Variants in SDK1 observed in about 807,000 individuals in gnomAD.
SDK1 encodes sidekick cell adhesion molecule 1, also known as protein sidekick-1.
A neutral mutation model predicts 245.5 loss-of-function variants in SDK1; 157 were observed. The observed-to-expected ratio is 0.64, with a 90% CI of 0.56 to 0.73. SDK1 has a LOEUF of 0.73. SDK1 is among the 30% of genes least tolerant of loss of function. The pLI is 0.00. For missense variants in SDK1, 3,583 were observed against 3,002.3 expected, an observed-to-expected ratio of 1.19 and a Z score of -4.52; for synonymous variants, 1,647 against 1,278.5, an observed-to-expected ratio of 1.29 and a Z score of -6.15.
At chr7:3,308,375 T>A (rs912962287) in intron 1 of SDK1, among the ~76,000 whole-genome samples, 1 of 152,138 alleles carries the variant, frequency 6.6e-6, no homozygotes, top group African/African-American at 2.4e-5. Flanking sequence ...GTGCTTAACA[T>A]AATGTTATGT....
intron 5 of SDK1, among the ~76,000 whole-genome samples, chr7:3,894,523 C>T (rs1781546598): frequency 1.3e-5 from 2 of 149,456 alleles, no homozygotes; most frequent in South Asian, 4.3e-4. Context: ...CAGCTGGGTC[C>T]AGCCACTGAA....
At chr7:3,416,464 T>G (rs1779368294) in intron 1 of SDK1, among the ~76,000 whole-genome samples, 1 of 40,780 alleles carries the variant, frequency 2.5e-5, no homozygotes, top group Non-Finnish European at 4.8e-5. Flanking sequence ...GCTTTCGTTC[T>G]TTTTTTTTTT....
chr7:3,675,917 G>A (rs1021918840), intron 4 of SDK1, among the ~76,000 whole-genome samples: 8 of 152,070 alleles, frequency 5.3e-5, no homozygotes, highest in Admixed American at 6.6e-5. Flanking sequence ...CCTTTTATAC[G>A]TTCCTTATAT....
At chr7:4,253,607 G>T (rs902950716) in intron 44 of SDK1, among the ~76,000 whole-genome samples, 13 of 152,130 alleles carry the variant, frequency 8.5e-5, no homozygotes, top group African/African-American at 2.9e-4. Context: ...GTGTTATTCT[G>T]CTGTTTTGGG....
intron 1 of SDK1, among the ~76,000 whole-genome samples, chr7:3,407,022 G>T (rs555103852): frequency 6.6e-6 from 1 of 152,260 alleles, no homozygotes; most frequent in East Asian, 1.9e-4. Context: ...ATGGGATCAA[G>T]AATGCTAGAG....
chr7:3,753,725 G>C (rs1779840811), intron 4 of SDK1, among the ~76,000 whole-genome samples: 1 of 152,180 alleles, frequency 6.6e-6, no homozygotes, highest in East Asian at 1.9e-4. Flanking sequence ...AATGCATGAA[G>C]TGACAGGCCT....
At chr7:3,991,024 G>T (rs532901807) in intron 14 of SDK1, among the ~76,000 whole-genome samples, 2 of 152,356 alleles carry the variant, frequency 1.3e-5, no homozygotes, top group South Asian at 4.1e-4. Flanking sequence ...GAGCTGACGT[G>T]ATCAGTGTCC....
intron 1 of SDK1, among the ~76,000 whole-genome samples, chr7:3,609,741 C>T (rs532325158): frequency 7.5e-6 from 1 of 133,568 alleles, no homozygotes; most frequent in East Asian, 2.7e-4. Context: ...CACTCCCTTA[C>T]CCAGGCTAGA....
intron 5 of SDK1, among the ~76,000 whole-genome samples, chr7:3,924,543 G>A (rs1779703708): frequency 6.6e-6 from 1 of 152,140 alleles, no homozygotes; most frequent in African/African-American, 2.4e-5. Context: ...AATGACCGAT[G>A]CTGCCAGGAA....
At chr7:3,856,610 G>T (rs980708431) in intron 5 of SDK1, among the ~76,000 whole-genome samples, 1 of 151,844 alleles carries the variant, frequency 6.6e-6, no homozygotes, top group Non-Finnish European at 1.5e-5. Flanking sequence ...GGCCAACATG[G>T]TGAAACCCCA....
At chr7:3,482,439 T>C (rs1760803309) in intron 1 of SDK1, among the ~76,000 whole-genome samples, 2 of 152,042 alleles carry the variant, frequency 1.3e-5, no homozygotes, top group Admixed American at 1.3e-4. Flanking sequence ...TTCTACAAAG[T>C]GGGAAGCTCC....
chr7:3,903,697 A>G (rs889119757), intron 5 of SDK1, among the ~76,000 whole-genome samples: 4 of 152,166 alleles, frequency 2.6e-5, no homozygotes. Flanking sequence ...CTCATGAAAT[A>G]CTGCTATGTG....
intron 4 of SDK1, among the ~76,000 whole-genome samples, chr7:3,806,620 T>A (rs1779255298): frequency 6.6e-6 from 1 of 152,226 alleles, no homozygotes; most frequent in Non-Finnish European, 1.5e-5. Context: ...ACATACTGCT[T>A]GTGGCAAACC....
chr7:3,811,139 C>T (rs1289487808), intron 4 of SDK1, among the ~76,000 whole-genome samples: 1 of 152,198 alleles, frequency 6.6e-6, no homozygotes, highest in East Asian at 1.9e-4. Context: ...AGCTTCTGAG[C>T]CAGCCTCATT....
rs187468312 is a variant in SDK1, at chr7:4,140,097, C to T, written c.4229-5625C>T. Among the ~76,000 whole-genome samples the T allele has an allele frequency of 1.2e-3, 185 of 152,276 alleles. 2 individuals carry two copies. Among genetic ancestry groups the T allele is most frequent in the Non-Finnish European group, 1.8e-4 (12 of 68,012 alleles). On this transcript the variant is annotated intron_variant, in intron 28 of 44. Coordinates refer to ENST00000404826, the MANE Select transcript of SDK1 (RefSeq NM_152744.4). ...CCCTGTCACCACCTCCCTGGGAGCA[C>T]ACAGGTTCCCTTCCTCGTGCTCTGG...
At chr7:3,325,129 A>G (rs1291095882) in intron 1 of SDK1, among the ~76,000 whole-genome samples, 3 of 151,514 alleles carry the variant, frequency 2.0e-5, no homozygotes, top group African/African-American at 7.3e-5. Flanking sequence ...TTTTTTGGTG[A>G]TGCTTCAGTC....
intron 1 of SDK1, among the ~76,000 whole-genome samples, chr7:3,593,722 CA>C (rs1485971350): frequency 6.6e-6 from 1 of 152,114 alleles, no homozygotes; most frequent in African/African-American, 2.4e-5. Flanking sequence ...CCACTGGCGA[CA>C]CCCCCAAACA....
At chr7:3,811,997 G>A (rs978563745) in intron 4 of SDK1, among the ~76,000 whole-genome samples, 1 of 152,178 alleles carries the variant, frequency 6.6e-6, no homozygotes, top group Non-Finnish European at 1.5e-5. Flanking sequence ...TCTGTAAAAT[G>A]AACAGACTGG....
chr7:3,565,931 G>C (rs1779901098), intron 1 of SDK1, among the ~76,000 whole-genome samples: 1 of 152,066 alleles, frequency 6.6e-6, no homozygotes, highest in African/African-American at 2.4e-5. Context: ...CTGTACATAT[G>C]ATCAAACTAT....
Sources: allele counts gnomAD v4.1 joint callset (sites outside exome capture counted in the v4.1 genomes callset), GRCh38; gene constraint gnomAD v4.1.1; transcripts MANE v1.5; gene names NCBI Gene and HGNC (gene_info 2026-07-23, HGNC 2026-07-21).